Variants in STARD13 observed in about 807,000 individuals in gnomAD.
STARD13 encodes StAR related lipid transfer domain containing 13.
STARD13 carries 62 observed loss-of-function variants against 106.4 expected under a neutral mutation model. That is an observed-to-expected ratio of 0.58 (90% CI 0.48 to 0.72). The LOEUF (loss-of-function observed/expected upper bound fraction) is 0.72. Among genes scored for constraint, STARD13 ranks in the 30% least tolerant of loss-of-function variants. The pLI is 0.00. For synonymous variants in STARD13, 565 were observed against 553.0 expected, an observed-to-expected ratio of 1.02 and a Z score of -0.31; for missense variants, 1,387 against 1,424.0, an observed-to-expected ratio of 0.97 and a Z score of 0.42.
At chr13:33,330,210 A>G (rs1045494649) in intron 1 of STARD13, among the ~76,000 whole-genome samples, 2 of 152,336 alleles carry the variant, frequency 1.3e-5, no homozygotes, top group Admixed American at 6.5e-5. Context: ...ATTCCTAACA[A>G]CAGTGAACAA....
chr13:33,230,121 A>G (rs958778613), intron 1 of STARD13, among the ~76,000 whole-genome samples: 1 of 152,222 alleles, frequency 6.6e-6, no homozygotes, highest in Non-Finnish European at 1.5e-5. Context: ...CCACATGGGG[A>G]AGAAGGAGAT....
At chr13:33,526,826 A>G in the STARD13 span, among the ~76,000 whole-genome samples, 1 of 152,164 alleles carries the variant, frequency 6.6e-6, no homozygotes, top group Non-Finnish European at 1.5e-5. Context: ...CGTGACAGGT[A>G]AATTGATTAA....
At chr13:33,248,043 T>C (rs541386012) in intron 1 of STARD13, among the ~76,000 whole-genome samples, 10 of 152,364 alleles carry the variant, frequency 6.6e-5, no homozygotes, top group Non-Finnish European at 1.2e-4. Flanking sequence ...TAAATGGGCA[T>C]ATAACATTTT....
the STARD13 span, among the ~76,000 whole-genome samples, chr13:33,361,008 G>A: frequency 7.2e-5 from 10 of 138,408 alleles, no homozygotes; most frequent in Middle Eastern, 4.4e-3. Flanking sequence ...GGTTTTCACC[G>A]CGTTAGCCAG....
chr13:33,370,765 C>T, the STARD13 span, among the ~76,000 whole-genome samples: 2 of 151,522 alleles, frequency 1.3e-5, no homozygotes, highest in South Asian at 2.1e-4. Context: ...ATTACAGGTG[C>T]CCACCACCAT....
the STARD13 span, among the ~76,000 whole-genome samples, chr13:33,409,659 G>A: frequency 1.3e-5 from 2 of 152,086 alleles, no homozygotes; most frequent in East Asian, 1.9e-4. Context: ...GGCATGTGAG[G>A]GTACATTTCT....
chr13:33,484,357 A>T, the STARD13 span, among the ~76,000 whole-genome samples: 1 of 152,218 alleles, frequency 6.6e-6, no homozygotes, highest in Admixed American at 6.5e-5. Flanking sequence ...CATGATTTGT[A>T]ACTTCCCCAA....
the STARD13 span, among the ~76,000 whole-genome samples, chr13:33,514,404 G>A: frequency 6.6e-6 from 1 of 152,106 alleles, no homozygotes; most frequent in Non-Finnish European, 1.5e-5. Flanking sequence ...ACGGCCATGG[G>A]GTGCTGCTGG....
In STARD13 at chr13:33,284,727, A is replaced by T. The variant is rs989253256; in HGVS notation, c.169+743T>A. The stretch of plus-strand genomic sequence containing the variant: ...ATACCCTATAAGGAGCATGTTTTAA[A>T]TTTTTTTTTTTTTTGAGACTGGTAA... On this transcript the variant is annotated intron_variant, in intron 1 of 13. Transcript: ENST00000336934. 2.7e-5 allele frequency among the ~76,000 whole-genome samples: 4 copies of T among 146,900 alleles called. No individual in the cohort carries two copies. In the East Asian group the frequency reaches 7.9e-4, roughly 29 times the overall value.
rs532176547 is a variant in STARD13 at position 33,322,079 on chromosome 13, C to T, written c.124+28211G>A. Among the ~76,000 whole-genome samples the T allele has an allele frequency of 1.6e-3, 250 of 152,276 alleles. 1 individual carries two copies. The highest frequency in any genetic ancestry group is 5.6e-3 in the African/African-American group (233 of 41,572). On this transcript the variant is annotated intron_variant, in intron 1 of 5. Transcript: ENST00000567873. ...TTCAGCAGATACTATCAATTCACAG[C>T]TCATTAATCACAGTGTTGAGATTCG...
At chr13:33,161,072 A>G (rs1471515464) in intron 3 of STARD13, among the ~76,000 whole-genome samples, 1 of 152,258 alleles carries the variant, frequency 6.6e-6, no homozygotes, top group Non-Finnish European at 1.5e-5. Context: ...ATGCAAGACT[A>G]TTCAGAAATA....
At chr13:33,519,240 C>CTTTA in the STARD13 span, among the ~76,000 whole-genome samples, 1 of 150,270 alleles carries the variant, frequency 6.7e-6, no homozygotes, top group East Asian at 2.0e-4. Context: ...TTCTTTCTTT[C>CTTTA]TTTCTTTCTT....
downstream of STARD13, among the ~76,000 whole-genome samples, chr13:33,346,870 G>A (rs945294877): frequency 4.0e-5 from 6 of 151,484 alleles, no homozygotes; most frequent in Non-Finnish European, 7.4e-5. Context: ...ACTTCCGACC[G>A]CAGGTGATCC....
chr13:33,576,370 G>A, the STARD13 span, among the ~76,000 whole-genome samples: 4 of 151,790 alleles, frequency 2.6e-5, no homozygotes, highest in African/African-American at 4.8e-5. Flanking sequence ...CTACAGGAGT[G>A]TGCCACCATG....
chr13:33,615,938 G>A, the STARD13 span, among the ~76,000 whole-genome samples: 3 of 152,154 alleles, frequency 2.0e-5, no homozygotes, highest in Non-Finnish European at 4.4e-5. Flanking sequence ...AATAATGCTT[G>A]ATGTTGCCAG....
At chr13:33,642,562 A>G in the STARD13 span, among the ~76,000 whole-genome samples, 1 of 152,174 alleles carries the variant, frequency 6.6e-6, no homozygotes, top group Non-Finnish European at 1.5e-5. Flanking sequence ...GACTCCCAGG[A>G]GCCCCGTTTA....
chr13:33,593,724 C>A, the STARD13 span, among the ~76,000 whole-genome samples: 3 of 152,108 alleles, frequency 2.0e-5, no homozygotes, highest in South Asian at 6.2e-4. Context: ...CAATCCCTCC[C>A]AAATTGCTGC....
intron 3 of STARD13, among the ~76,000 whole-genome samples, chr13:33,160,720 A>G (rs1882517622): frequency 6.6e-6 from 1 of 152,228 alleles, no homozygotes; most frequent in African/African-American, 2.4e-5. Context: ...ATGAGTTAAT[A>G]CCAGACATCT....
At chr13:33,219,518 CAAAAAAAAAAAAA>C (rs55933962) in intron 1 of STARD13, among the ~76,000 whole-genome samples, 7 of 61,242 alleles carry the variant, frequency 1.1e-4, no homozygotes, top group African/African-American at 2.6e-4. Context: ...GACTCCTTCT[CAAAAAAAAAAAAA>C]AAAAAAAAAA....
Sources: gnomAD v4.1 joint callset for allele counts (sites outside exome capture counted in the v4.1 genomes callset) on GRCh38, gnomAD v4.1.1 for gene constraint, MANE v1.5 for transcripts, NCBI Gene and HGNC (gene_info 2026-07-23, HGNC 2026-07-21) for gene names.